ZSWIM6: variants seen among roughly 807,000 people sequenced by gnomAD.
ZSWIM6 encodes zinc finger SWIM-type containing 6.
A neutral mutation model predicts 113.2 loss-of-function variants in ZSWIM6; 9 were observed. The observed-to-expected ratio is 0.08, with a 90% CI of 0.05 to 0.14. The LOEUF is 0.14. ZSWIM6 is among the 10% of genes least tolerant of loss of function. The pLI, the probability that ZSWIM6 is intolerant of heterozygous loss-of-function variation, is 1.00. For synonymous variants in ZSWIM6, 611 were observed against 606.5 expected, an observed-to-expected ratio of 1.01 and a Z score of -0.11; for missense variants, 1,162 against 1,552.2, an observed-to-expected ratio of 0.75 and a Z score of 4.22.
At chr5:61,434,601 C>G (rs1182166824) in intron 1 of ZSWIM6, among the ~76,000 whole-genome samples, 1 of 152,266 alleles carries the variant, frequency 6.6e-6, no homozygotes, top group East Asian at 1.9e-4. Context: ...TCCATCTAAG[C>G]TGCTGCAAAT....
chr5:61,526,949 A>C (rs1212116572), intron 7 of ZSWIM6, among the ~76,000 whole-genome samples: 1 of 152,236 alleles, frequency 6.6e-6, no homozygotes, highest in Non-Finnish European at 1.5e-5. Flanking sequence ...TAAGCATTCT[A>C]AAACTTTTTA....
At chr5:61,477,100 C>G (rs374181509) in intron 2 of ZSWIM6, among the ~76,000 whole-genome samples, 54 of 152,320 alleles carry the variant, frequency 3.5e-4, no homozygotes, top group Middle Eastern at 6.8e-3. Context: ...CTTTCCCTGA[C>G]TTTCTGGCAC....
chr5:61,338,156 T>G (rs994347234), intron 1 of ZSWIM6, among the ~76,000 whole-genome samples: 29 of 109,340 alleles, frequency 2.7e-4, no homozygotes, highest in Non-Finnish European at 4.5e-4. Context: ...TAACTTAAAG[T>G]TTTGTGTGTT....
At chr5:61,493,347 C>A (rs1580035976) in intron 3 of ZSWIM6, among the ~76,000 whole-genome samples, 1 of 152,054 alleles carries the variant, frequency 6.6e-6, no homozygotes, top group African/African-American at 2.4e-5. Context: ...TAATTTATCT[C>A]AAAAATTGAA....
intron 4 of ZSWIM6, among the ~76,000 whole-genome samples, chr5:61,495,187 T>G (rs1350694045): frequency 6.6e-6 from 1 of 152,152 alleles, no homozygotes; most frequent in Non-Finnish European, 1.5e-5. Context: ...CTAGTCTTAG[T>G]GAAATTTTTC....
intron 1 of ZSWIM6, among the ~76,000 whole-genome samples, chr5:61,381,879 C>G (rs1264812809): frequency 6.6e-6 from 1 of 152,164 alleles, no homozygotes; most frequent in Non-Finnish European, 1.5e-5. Context: ...GTAAAATTTA[C>G]TAAGGCTTTT....
chr5:61,377,028 A>T (rs1419464556), intron 1 of ZSWIM6, among the ~76,000 whole-genome samples: 2 of 30,700 alleles, frequency 6.5e-5, no homozygotes, highest in East Asian at 3.0e-4. Flanking sequence ...TGTAATGTTT[A>T]AAAAAAAAAG....
chr5:61,453,871 G>T (rs1003450953), intron 1 of ZSWIM6, among the ~76,000 whole-genome samples: 1 of 151,312 alleles, frequency 6.6e-6, no homozygotes, highest in Non-Finnish European at 1.5e-5. Context: ...TTGGGGGGGG[G>T]AAGATACTTT....
At chr5:61,418,926 A>T (rs931985395) in intron 1 of ZSWIM6, among the ~76,000 whole-genome samples, 4 of 152,138 alleles carry the variant, frequency 2.6e-5, no homozygotes, top group African/African-American at 9.7e-5. Flanking sequence ...GGTTCAAGCG[A>T]TTCTCCTGCC....
chr5:61,501,724 GT>G (rs1299089555), intron 4 of ZSWIM6, among the ~76,000 whole-genome samples: 1 of 152,172 alleles, frequency 6.6e-6, no homozygotes, highest in Non-Finnish European at 1.5e-5. Context: ...TATATATGTT[GT>G]GTGTTAGTAG....
At chr5:61,474,584 T>TCG (rs1290306655) in intron 2 of ZSWIM6, among the ~76,000 whole-genome samples, 2 of 152,180 alleles carry the variant, frequency 1.3e-5, no homozygotes, top group Non-Finnish European at 2.9e-5. Context: ...GTCTGTGAAA[T>TCG]CTGGTTACTG....
intron 1 of ZSWIM6, among the ~76,000 whole-genome samples, chr5:61,355,256 T>G (rs528907833): frequency 6.6e-6 from 1 of 152,254 alleles, no homozygotes; most frequent in African/African-American, 2.4e-5. Flanking sequence ...GAATTCCTTA[T>G]TCTGGGTGCC....
At chr5:61,427,795 A>C (rs528086362) in intron 1 of ZSWIM6, among the ~76,000 whole-genome samples, 1 of 152,228 alleles carries the variant, frequency 6.6e-6, no homozygotes, top group East Asian at 1.9e-4. Context: ...CAAATATTTT[A>C]AATCTATGGT....
At chr5:61,415,359 G>A (rs191094684) in intron 1 of ZSWIM6, among the ~76,000 whole-genome samples, 4 of 152,266 alleles carry the variant, frequency 2.6e-5, no homozygotes, top group South Asian at 2.1e-4. Context: ...TTGGGAGGCC[G>A]AGGTGGGCGG....
At chr5:61,356,750 T>A (rs1216851411) in intron 1 of ZSWIM6, among the ~76,000 whole-genome samples, 2 of 139,516 alleles carry the variant, frequency 1.4e-5, no homozygotes, top group Non-Finnish European at 3.1e-5. Context: ...TATATATATA[T>A]ATTATATATA....
intron 1 of ZSWIM6, among the ~76,000 whole-genome samples, chr5:61,335,241 G>C (rs1332426965): frequency 6.6e-6 from 1 of 152,160 alleles, no homozygotes; most frequent in Admixed American, 6.5e-5. Context: ...CTGAAGAGTT[G>C]ACCACCACTT....
At chr5:61,420,312 T>A (rs1474474510) in intron 1 of ZSWIM6, among the ~76,000 whole-genome samples, 2 of 152,260 alleles carry the variant, frequency 1.3e-5, no homozygotes, top group African/African-American at 2.4e-5. Flanking sequence ...TACAAAATGA[T>A]ACTAATGTCC....
intron 1 of ZSWIM6, among the ~76,000 whole-genome samples, chr5:61,333,381 G>GC (rs1744310890): frequency 1.3e-5 from 2 of 151,804 alleles, no homozygotes; most frequent in Admixed American, 6.5e-5. Context: ...GACAATGCCG[G>GC]CCGCGGCCCG....
chr5:61,506,567 C>G (rs1160530835), intron 4 of ZSWIM6, among the ~76,000 whole-genome samples: 1 of 151,586 alleles, frequency 6.6e-6, no homozygotes, highest in African/African-American at 2.4e-5. Context: ...GAGTGAGACT[C>G]TGTCTCCAAA....
Sources: allele counts gnomAD v4.1 joint callset (sites outside exome capture counted in the v4.1 genomes callset), GRCh38; gene constraint gnomAD v4.1.1; transcripts MANE v1.5; gene names NCBI Gene and HGNC (gene_info 2026-07-23, HGNC 2026-07-21).